Variants in DOCK7 observed in about 807,000 individuals in gnomAD.
DOCK7 encodes dedicator of cytokinesis 7.
In DOCK7, 138 loss-of-function variants were observed where a neutral mutation model predicts 271.0. That is an observed-to-expected ratio of 0.51 (90% CI 0.44 to 0.59). DOCK7 has a LOEUF of 0.59. DOCK7 is among the 20% of genes least tolerant of loss of function. The pLI, the probability that DOCK7 is intolerant of heterozygous loss-of-function variation, is 0.00. For missense variants in DOCK7, 2,066 were observed against 2,592.4 expected, an observed-to-expected ratio of 0.80 and a Z score of 4.41; for synonymous variants, 823 against 876.1, an observed-to-expected ratio of 0.94 and a Z score of 1.07.
chr1:62,540,228 C>T (rs1645485347), intron 25 of DOCK7, among the ~76,000 whole-genome samples: 2 of 151,022 alleles, frequency 1.3e-5, no homozygotes, highest in African/African-American at 4.9e-5. Flanking sequence ...GGCTGGAGTA[C>T]AGTGGCATGA....
intron 46 of DOCK7, 35 bp from the exon 47 acceptor site, chr1:62,475,386 G>C: frequency 6.3e-7 from 1 of 1,588,334 alleles, no homozygotes; most frequent in Non-Finnish European, 8.6e-7. Flanking sequence ...TCAGTGTACT[G>C]ACTGAAAACT....
intron 14 of DOCK7, chr1:62,604,131 T>C: frequency 6.2e-7 from 1 of 1,613,498 alleles, no homozygotes; most frequent in Non-Finnish European, 8.5e-7. Context: ...CTAGTTGCGA[T>C]TACTGGCAAT....
intron 1 of DOCK7, among the ~76,000 whole-genome samples, chr1:62,669,472 C>T (rs1176322728): frequency 6.6e-6 from 1 of 152,222 alleles, no homozygotes. Flanking sequence ...GACAAGAAAA[C>T]TTCACGTCTG....
intron 48 of DOCK7, among the ~76,000 whole-genome samples, chr1:62,473,569 T>C (rs535800443): frequency 2.3e-4 from 35 of 152,172 alleles, no homozygotes; most frequent in African/African-American, 8.4e-4. Context: ...TCAACCGCTT[T>C]TCTGTTTTTT....
intron 21 of DOCK7, among the ~76,000 whole-genome samples, chr1:62,553,271 G>A (rs1645976919): frequency 1.4e-5 from 2 of 138,580 alleles, no homozygotes; most frequent in Non-Finnish European, 3.0e-5. Flanking sequence ...TTGACCTTGC[G>A]ATCCGCCTGA....
intron 12 of DOCK7, among the ~76,000 whole-genome samples, chr1:62,620,936 T>C (rs865976672): frequency 1.5e-5 from 2 of 133,128 alleles, no homozygotes; most frequent in Middle Eastern, 4.2e-3. Flanking sequence ...TAGAGATAGA[T>C]GAAAAAGAGA....
At chr1:62,467,505 A>T (rs927738289) in intron 48 of DOCK7, among the ~76,000 whole-genome samples, 1 of 152,220 alleles carries the variant, frequency 6.6e-6, no homozygotes, top group African/African-American at 2.4e-5. Flanking sequence ...ACTGCTTCTG[A>T]CTTCTTTTAC....
chr1:62,521,426 T>C (rs1293221363), intron 31 of DOCK7, among the ~76,000 whole-genome samples: 1 of 151,936 alleles, frequency 6.6e-6, no homozygotes, highest in Non-Finnish European at 1.5e-5. Context: ...AAGCAGAAGA[T>C]AGTAAATAAT....
At chr1:62,458,540 T>G (rs1402862648) in intron 48 of DOCK7, 2 of 151,032 alleles carry the variant, frequency 1.3e-5, no homozygotes, top group African/African-American at 4.9e-5. Context: ...GTTTTGTTTT[T>G]TTTTTTTTTT....
Position 62,522,111 on chromosome 1 carries a change from G to A in DOCK7, c.3936+6040C>T, listed in dbSNP as rs372084358. ...TGAAAAAGAAAACACTTCAAGCACA[G>A]ATGGTTTCATAAGTTCTCCAAATAT... On this transcript the variant is annotated intron_variant, in intron 31 of 49. Coordinates refer to ENST00000635253, the MANE Select transcript of DOCK7 (RefSeq NM_001367561.1). Among the ~76,000 whole-genome samples the A allele has an allele frequency of 9.2e-5, 14 of 152,214 alleles. 1 individual carries two copies. Among genetic ancestry groups the A allele is most frequent in the Admixed American group, 3.9e-4 (6 of 15,292 alleles).
chr1:62,494,580 ACTTAGTTT>A (rs758189399), intron 39 of DOCK7, 113 bp from the exon 40 acceptor site: 2 of 760,252 alleles, frequency 2.6e-6, no homozygotes, highest in Non-Finnish European at 3.9e-6. Context: ...TGCACAACCT[ACTTAGTTT>A]TAAAGTAGTA....
intron 21 of DOCK7, among the ~76,000 whole-genome samples, chr1:62,553,882 T>C (rs1646044719): frequency 6.6e-6 from 1 of 151,216 alleles, no homozygotes; most frequent in South Asian, 2.1e-4. Flanking sequence ...CACGCAGCCC[T>C]TTCACTTCGG....
chr1:62,572,612 G>A (rs139779222), intron 18 of DOCK7, among the ~76,000 whole-genome samples: 39 of 148,742 alleles, frequency 2.6e-4, no homozygotes, highest in African/African-American at 9.4e-4. Flanking sequence ...CTGGGTTGCA[G>A]ATGGCCACCT....
At chr1:62,463,125 G>T (rs759856410) in intron 48 of DOCK7, among the ~76,000 whole-genome samples, 93 of 152,176 alleles carry the variant, frequency 6.1e-4, no homozygotes, top group Non-Finnish European at 1.0e-3. Context: ...GTAAGGAAAA[G>T]AATCCAATAG....
chr1:62,666,798 CA>C lies in DOCK7; in HGVS notation c.39-3669del, dbSNP rs146311250. ...TCTAATGAACCATTAATATTAACTG[CA>C]AAGTAGAAAAGGTCAAAAATTCTGT... On this transcript the variant is annotated intron_variant, in intron 1 of 49. Transcript: ENST00000635253. 8.1e-3 allele frequency among the ~76,000 whole-genome samples: 1,229 copies of C among 152,244 alleles called. 4 individuals carry two copies. Among genetic ancestry groups the C allele is most frequent in the South Asian group, 0.035 (170 of 4,820 alleles).
intron 41 of DOCK7, among the ~76,000 whole-genome samples, chr1:62,490,268 TG>T (rs901291515): frequency 1.3e-4 from 20 of 151,802 alleles, no homozygotes; most frequent in Middle Eastern, 3.4e-3. Flanking sequence ...ATGACGCTCT[TG>T]TTACATTGAG....
intron 48 of DOCK7, among the ~76,000 whole-genome samples, chr1:62,467,132 T>C (rs754807094): frequency 1.3e-5 from 2 of 152,156 alleles, no homozygotes; most frequent in Non-Finnish European, 2.9e-5. Context: ...GATTATACCA[T>C]TGAAAATGTC....
chr1:62,512,384 T>C (rs2149337081), intron 33 of DOCK7, among the ~76,000 whole-genome samples: 1 of 152,256 alleles, frequency 6.6e-6, no homozygotes, highest in Admixed American at 6.5e-5. Context: ...GATGATAAGA[T>C]CAGTTAGTTA....
chr1:62,573,079 CAG>C (rs919563681), intron 18 of DOCK7, among the ~76,000 whole-genome samples: 3 of 152,032 alleles, frequency 2.0e-5, no homozygotes, highest in African/African-American at 7.2e-5. Flanking sequence ...TAAAAAGAAA[CAG>C]AGTGTGTATC....
Sources: allele counts gnomAD v4.1 joint callset (sites outside exome capture counted in the v4.1 genomes callset), GRCh38; gene constraint gnomAD v4.1.1; transcripts MANE v1.5; gene names NCBI Gene and HGNC (gene_info 2026-07-23, HGNC 2026-07-21).